Variants in GRID2 observed in about 807,000 individuals in gnomAD.
GRID2 encodes the protein glutamate receptor ionotropic, delta-2.
Under a neutral mutation model 114.8 loss-of-function variants are expected in GRID2, and 33 were observed. The ratio of observed to expected loss-of-function variants is 0.29; its 90% CI spans 0.22 to 0.38. GRID2 has a LOEUF of 0.38. Among genes scored for constraint, GRID2 ranks in the 10% least tolerant of loss-of-function variants. The pLI is 1.00. For missense variants in GRID2, 1,184 were observed against 1,257.7 expected (o/e 0.94, Z 0.89); for synonymous variants, 505 against 449.9 (o/e 1.12, Z -1.55).
chr4:93,141,357 G>A (rs1735751958), intron 4 of GRID2, among the ~76,000 whole-genome samples: 1 of 151,982 alleles, frequency 6.6e-6, no homozygotes, highest in Non-Finnish European at 1.5e-5. Context: ...GTTTAGTTTT[G>A]TGCTATAACC....
intron 3 of GRID2, among the ~76,000 whole-genome samples, chr4:93,109,603 C>G (rs1485326891): frequency 1.3e-5 from 2 of 152,040 alleles, no homozygotes; most frequent in East Asian, 3.9e-4. Context: ...GAAGCACACA[C>G]TATTAAGGAT....
intron 1 of GRID2, among the ~76,000 whole-genome samples, chr4:92,427,248 T>G (rs988627852): frequency 6.6e-6 from 1 of 152,174 alleles, no homozygotes; most frequent in Admixed American, 6.5e-5. Flanking sequence ...GTTCCAATTA[T>G]GGGACCTTAT....
chr4:92,882,135 G>A (rs992688155), intron 2 of GRID2, among the ~76,000 whole-genome samples: 7 of 152,070 alleles, frequency 4.6e-5, no homozygotes, highest in Admixed American at 1.3e-4. Context: ...GTGGAGTAGA[G>A]TTTTATTTTA....
At chr4:92,687,725 A>T (rs1733982267) in intron 2 of GRID2, among the ~76,000 whole-genome samples, 2 of 152,024 alleles carry the variant, frequency 1.3e-5, no homozygotes, top group South Asian at 2.1e-4. Context: ...GCTACTCAGG[A>T]GGCTGAGGCA....
At chr4:93,681,218 C>A (rs1018494162) in intron 14 of GRID2, among the ~76,000 whole-genome samples, 1 of 151,368 alleles carries the variant, frequency 6.6e-6, no homozygotes, top group African/African-American at 2.4e-5. Context: ...ATCCAACTTA[C>A]AAGGGACGTG....
chr4:93,224,418 AG>A (rs1462856722), intron 6 of GRID2, among the ~76,000 whole-genome samples, 195 bp from the exon 7 acceptor site: 1 of 152,168 alleles, frequency 6.6e-6, no homozygotes. Context: ...AAAGCAATTG[AG>A]GCATACAATC....
chr4:93,511,948 AT>A (rs540977342), intron 12 of GRID2, among the ~76,000 whole-genome samples: 24 of 147,770 alleles, frequency 1.6e-4, no homozygotes, highest in South Asian at 2.2e-4. Flanking sequence ...CATCCAGCTA[AT>A]TTTTTTTTTG....
chr4:92,539,738 G>A lies in GRID2; in HGVS notation c.89-50393G>A, dbSNP rs572149262. Among the ~76,000 whole-genome samples the A allele has an allele frequency of 5.9e-5, 9 of 152,212 alleles. No individual in the cohort carries two copies. The East Asian group carries it at 1.5e-3, about 26-fold the overall frequency. On this transcript the variant is annotated intron_variant, in intron 1 of 15. Coordinates refer to ENST00000282020, the MANE Select transcript of GRID2 (RefSeq NM_001510.4). ...TGCCTATACATTCTTAAAATTAGCT[G>A]TCCATGAACTGGATCTCATGTTCTA...
Position 92,951,333 on chromosome 4 carries a change from TTTTA to T in GRID2, c.245-133630_245-133627del, listed in dbSNP as rs529155664. Reference sequence around the variant, plus strand: ...TTGTTCTCCAAAAATTCGCAAAATTTTTTATTTATTTATTTATTTATTTATTTAT... The same window carrying T: ...TTGTTCTCCAAAAATTCGCAAAATTTTTTATTTATTTATTTATTTATTTAT... On this transcript the variant is annotated intron_variant, in intron 2 of 15. Transcript: ENST00000282020. Among the ~76,000 whole-genome samples the T allele has an allele frequency of 4.9e-4, 74 of 150,482 alleles. 1 individual carries two copies. Among genetic ancestry groups the T allele is most frequent in the African/African-American group, 1.4e-3 (58 of 40,704 alleles).
intron 14 of GRID2, among the ~76,000 whole-genome samples, chr4:93,658,598 G>A (rs1329971936): frequency 6.6e-6 from 1 of 152,114 alleles, no homozygotes; most frequent in African/African-American, 2.4e-5. Flanking sequence ...AACCCTTATA[G>A]TCTGGCTCCA....
intron 1 of GRID2, among the ~76,000 whole-genome samples, chr4:92,522,432 G>C (rs577136886): frequency 3.3e-5 from 5 of 152,052 alleles, no homozygotes; most frequent in Non-Finnish European, 7.4e-5. Context: ...ATCACTGGAG[G>C]GTTTTTCAGC....
chr4:92,923,131 T>C (rs561979463), intron 2 of GRID2, among the ~76,000 whole-genome samples: 2 of 152,346 alleles, frequency 1.3e-5, no homozygotes, highest in African/African-American at 4.8e-5. Flanking sequence ...TGAAATGCAA[T>C]AGTGTTATAT....
intron 8 of GRID2, among the ~76,000 whole-genome samples, chr4:93,360,252 T>C (rs1761763025): frequency 6.6e-6 from 1 of 152,036 alleles, no homozygotes; most frequent in Non-Finnish European, 1.5e-5. Flanking sequence ...CCTTTTTTTC[T>C]AATGTATTCA....
At chr4:92,899,100 G>T (rs757602984) in intron 2 of GRID2, among the ~76,000 whole-genome samples, 1 of 151,964 alleles carries the variant, frequency 6.6e-6, no homozygotes, top group African/African-American at 2.4e-5. Flanking sequence ...TGACAGAGTA[G>T]CATTTTGAAA....
At chr4:92,716,399 C>T (rs778344912) in intron 2 of GRID2, among the ~76,000 whole-genome samples, 5 of 152,170 alleles carry the variant, frequency 3.3e-5, no homozygotes, top group Non-Finnish European at 5.9e-5. Context: ...CTGTCTGGCC[C>T]TGTAGTGGTC....
At chr4:92,475,942 A>G (rs991669492) in intron 1 of GRID2, among the ~76,000 whole-genome samples, 1 of 151,730 alleles carries the variant, frequency 6.6e-6, no homozygotes, top group Non-Finnish European at 1.5e-5. Context: ...GATATTGCAA[A>G]TGGAAATGTT....
intron 2 of GRID2, among the ~76,000 whole-genome samples, chr4:92,642,129 A>G (rs948909200): frequency 6.6e-6 from 1 of 151,632 alleles, no homozygotes; most frequent in Non-Finnish European, 1.5e-5. Context: ...ATCTTTTTGT[A>G]TAAGGATCTG....
chr4:92,532,131 G>T (rs1436725622), intron 1 of GRID2, among the ~76,000 whole-genome samples: 1 of 152,144 alleles, frequency 6.6e-6, no homozygotes, highest in South Asian at 2.1e-4. Flanking sequence ...TTCAGTTTCT[G>T]TTGAGTGGGA....
chr4:93,304,802 A>G (rs547386800), intron 8 of GRID2, among the ~76,000 whole-genome samples: 1 of 152,292 alleles, frequency 6.6e-6, no homozygotes, highest in Non-Finnish European at 1.5e-5. Context: ...AAAAAGCTAC[A>G]TAGAGGATAC....
Sources: allele counts gnomAD v4.1 joint callset (sites outside exome capture counted in the v4.1 genomes callset), GRCh38; gene constraint gnomAD v4.1.1; transcripts MANE v1.5; gene names NCBI Gene and HGNC (gene_info 2026-07-23, HGNC 2026-07-21).